Variants in CLCN3 observed in about 807,000 individuals in gnomAD.
CLCN3 encodes the protein H(+)/Cl(-) exchange transporter 3.
Under a neutral mutation model 83.4 loss-of-function variants are expected in CLCN3, and 16 were observed. That is an observed-to-expected ratio of 0.19 (90% CI 0.13 to 0.29). The LOEUF is 0.29. CLCN3 is among the 10% of genes least tolerant of loss of function. The pLI, the probability that CLCN3 is intolerant of heterozygous loss-of-function variation, is 1.00. For missense variants in CLCN3, 544 were observed against 1,006.0 expected, an observed-to-expected ratio of 0.54 and a Z score of 6.21; for synonymous variants, 322 against 346.2, an observed-to-expected ratio of 0.93 and a Z score of 0.78.
chr4:169,636,233 G>A, intron 2 of CLCN3, 145 bp downstream of exon 2: 1 of 686,426 alleles, frequency 1.5e-6, no homozygotes, highest in Non-Finnish European at 2.4e-6. Context: ...ATTGTAAAGT[G>A]TGGAACTGAG....
intron 11 of CLCN3, among the ~76,000 whole-genome samples, chr4:169,707,926 A>C (rs1188166682): frequency 1.3e-5 from 2 of 152,196 alleles, no homozygotes; most frequent in Non-Finnish European, 2.9e-5. Context: ...CTGTTTCTCT[A>C]AAATTTGTTT....
chr4:169,719,788 C>G (rs1292859212), intron 12 of CLCN3, 119 bp from the exon 13 acceptor site: 1 of 706,746 alleles, frequency 1.4e-6, no homozygotes, highest in Middle Eastern at 3.1e-4. Flanking sequence ...TTTGGAAATA[C>G]AAAATCAGGC....
chr4:169,679,694 G>C (rs1731852512), intron 2 of CLCN3, among the ~76,000 whole-genome samples: 1 of 152,224 alleles, frequency 6.6e-6, no homozygotes, highest in Non-Finnish European at 1.5e-5. Context: ...CTGGAGACCA[G>C]CCCGGCCAAC....
chr4:169,629,959 A>G (rs1401663721), intron 1 of CLCN3, among the ~76,000 whole-genome samples: 3 of 152,154 alleles, frequency 2.0e-5, no homozygotes, highest in African/African-American at 7.2e-5. Flanking sequence ...GGGGACAATA[A>G]TAGCACCTAT....
In CLCN3 at chr4:169,713,214, TGACA is replaced by T; in HGVS notation, c.2289_2292del (p.Asp764ThrfsTer16). 6.2e-7 allele frequency: 1 copy of T among 1,614,148 alleles called. No homozygotes were observed. Among genetic ancestry groups the T allele is most frequent in the Non-Finnish European group, 8.5e-7 (1 of 1,180,022 alleles). ...ATTCTTGACATGAGCCCTTTTACAG[TGACA>T]GACCACACCCCAATGGAGATCGTGG... On this transcript the variant is annotated frameshift_variant, in exon 12 of 13. Transcript: ENST00000513761. LOFTEE classifies it high-confidence loss of function.
intron 2 of CLCN3, chr4:169,660,125 C>CT (rs1170081733): frequency 9.2e-7 from 1 of 1,088,054 alleles, no homozygotes; most frequent in African/African-American, 1.6e-5. Context: ...ATTAAGAAGG[C>CT]TGTGCCGCCT....
chr4:169,645,576 A>G (rs189877681), intron 2 of CLCN3, among the ~76,000 whole-genome samples: 21 of 152,296 alleles, frequency 1.4e-4, no homozygotes, highest in African/African-American at 4.1e-4. Context: ...AACTTGATGT[A>G]TAACTAAATA....
intron 1 of CLCN3, among the ~76,000 whole-genome samples, chr4:169,623,824 C>T (rs531945748): frequency 6.6e-5 from 10 of 152,070 alleles, no homozygotes; most frequent in East Asian, 1.9e-4. Flanking sequence ...GGTTAATCTA[C>T]GTTTTTGAAA....
intron 11 of CLCN3, among the ~76,000 whole-genome samples, chr4:169,710,841 A>G (rs1387770845): frequency 6.6e-6 from 1 of 152,128 alleles, no homozygotes. Context: ...TTGTATATCT[A>G]TTAATGAATT....
At chr4:169,682,760 T>C (rs1731996312) in intron 3 of CLCN3, among the ~76,000 whole-genome samples, 1 of 152,212 alleles carries the variant, frequency 6.6e-6, no homozygotes, top group South Asian at 2.1e-4. Flanking sequence ...TTGATTTTAC[T>C]GGGAAGCATG....
chr4:169,708,003 C>A (rs368339522), intron 11 of CLCN3, among the ~76,000 whole-genome samples: 1 of 152,230 alleles, frequency 6.6e-6, no homozygotes, highest in East Asian at 1.9e-4. Context: ...TTTTTTGACA[C>A]AATCTTATAT....
intron 2 of CLCN3, among the ~76,000 whole-genome samples, chr4:169,656,819 G>A (rs1439099564): frequency 6.6e-6 from 1 of 152,162 alleles, no homozygotes; most frequent in Non-Finnish European, 1.5e-5. Context: ...ACACACGTGT[G>A]TATTCCCTGC....
At chr4:169,637,583 A>C (rs1420906661) in intron 2 of CLCN3, among the ~76,000 whole-genome samples, 5 of 138,804 alleles carry the variant, frequency 3.6e-5, no homozygotes, top group South Asian at 2.5e-4. Flanking sequence ...AACCAAACAA[A>C]CACCACCACC....
intron 12 of CLCN3, among the ~76,000 whole-genome samples, chr4:169,718,345 G>C (rs1435124268): frequency 6.6e-6 from 1 of 151,768 alleles, no homozygotes; most frequent in Non-Finnish European, 1.5e-5. Context: ...TTAGCAATTA[G>C]AACTGCTTAC....
intron 2 of CLCN3, among the ~76,000 whole-genome samples, chr4:169,679,546 C>G (rs1281469965): frequency 3.3e-5 from 5 of 152,156 alleles, no homozygotes; most frequent in Non-Finnish European, 5.9e-5. Context: ...AGGCGGCTGG[C>G]AGGTGGAGGT....
chr4:169,684,489 A>G (rs1732076207), intron 3 of CLCN3, among the ~76,000 whole-genome samples: 1 of 152,152 alleles, frequency 6.6e-6, no homozygotes, highest in Non-Finnish European at 1.5e-5. Flanking sequence ...ATTTTAGATT[A>G]GTGGGAGCTT....
Position 169,620,980 on chromosome 4 carries a change from T to A in CLCN3, c.-100T>A, listed in dbSNP as rs1228680607. ...TCTTCGGTGGAGCTCCGAGGGTAGC[T>A]AGGTTCTAGGTTTGAAACAGATGCA... On this transcript the variant is annotated 5_prime_UTR_variant, in exon 1 of 13. Transcript: ENST00000513761. 1 of 398,258 alleles carries A rather than the reference T, an allele frequency of 2.5e-6. No homozygotes were observed. The highest frequency in any genetic ancestry group is 4.4e-6 in the Non-Finnish European group (1 of 226,032). 24.7% of individuals were successfully genotyped at this position (398,258 alleles called of 1,614,324 possible). A position where few individuals can be genotyped will look rare whatever the true frequency, so the allele number is the denominator to read the frequency against.
At chr4:169,647,689 T>TCCCAC (rs1481782400) in intron 2 of CLCN3, among the ~76,000 whole-genome samples, 1 of 152,154 alleles carries the variant, frequency 6.6e-6, no homozygotes, top group African/African-American at 2.4e-5. Flanking sequence ...ATATAAAGGA[T>TCCCAC]ATAAGTTGAC....
At chr4:169,684,861 G>T (rs995737404) in intron 3 of CLCN3, among the ~76,000 whole-genome samples, 1 of 151,934 alleles carries the variant, frequency 6.6e-6, no homozygotes, top group African/African-American at 2.4e-5. Flanking sequence ...AACATTGTCA[G>T]TATAACAGTA....
Sources: gnomAD v4.1 joint callset for allele counts (sites outside exome capture counted in the v4.1 genomes callset) on GRCh38, gnomAD v4.1.1 for gene constraint, MANE v1.5 for transcripts, NCBI Gene and HGNC (gene_info 2026-07-23, HGNC 2026-07-21) for gene names.